The following PTBP2 variants were observed in gnomAD, a reference collection of about 807,000 sequenced individuals.
PTBP2 encodes polypyrimidine tract-binding protein 2.
PTBP2 carries 13 observed loss-of-function variants against 61.4 expected under a neutral mutation model. That is an observed-to-expected ratio of 0.21 (90% CI 0.14 to 0.34). The LOEUF is 0.34. Ranked by LOEUF, PTBP2 falls within the 10% of genes least tolerant of loss-of-function variation. The pLI is 1.00. For missense variants in PTBP2, 405 were observed against 642.6 expected (o/e 0.63, Z 4.00); for synonymous variants, 215 against 218.5 (o/e 0.98, Z 0.14).
In PTBP2 at chr1:96,769,703, C is replaced by T; in HGVS notation, c.116C>T (p.Ala39Val). 6.4e-7 allele frequency: 1 copy of T among 1,563,762 alleles called. No individual in the cohort carries two copies. Among genetic ancestry groups the T allele is most frequent in the Admixed American group, 1.9e-5 (1 of 53,644 alleles). Residue 39 changes from alanine (A) to valine (V), a missense_variant and splice_region_variant, in exon 4 of 14, where the codon GCC becomes GTC. Around this residue, in one of 4 missense-constraint regions of PTBP2, gnomAD observed 342 missense variants for 491.2 expected, o/e 0.70. Transcript: ENST00000674951. ...AGGACTGTTTTTTAATGTCTTTCAG[C>T]CAATGGTAATGATAGTAAAAAATTT... ...NSNMSSMVVT[A>V]NGNDSKKFKG...
At chr1:96,806,980 T>A (rs781348734) in intron 11 of PTBP2, 22 bp downstream of exon 11, 13 of 1,536,980 alleles carry the variant, frequency 8.5e-6, no homozygotes, top group Non-Finnish European at 1.2e-5. Flanking sequence ...CTATGTTTTA[T>A]CTATACATCT....
chr1:96,747,496 G>A (rs769090824), intron 2 of PTBP2, among the ~76,000 whole-genome samples: 6 of 151,810 alleles, frequency 4.0e-5, no homozygotes, highest in Non-Finnish European at 5.9e-5. Context: ...AATTATTTTT[G>A]TGTATTGTAT....
intron 2 of PTBP2, among the ~76,000 whole-genome samples, chr1:96,745,404 C>T (rs1032743633): frequency 6.6e-5 from 10 of 152,036 alleles, no homozygotes; most frequent in African/African-American, 9.7e-5. Flanking sequence ...CCTCGTGATC[C>T]GTCTGCCTCG....
chr1:96,791,621 A>C (rs1228586510), intron 8 of PTBP2, among the ~76,000 whole-genome samples: 1 of 152,114 alleles, frequency 6.6e-6, no homozygotes, highest in Non-Finnish European at 1.5e-5. Context: ...ACTGGTTTCT[A>C]AGAACTAATC....
chr1:96,762,941 G>A (rs1365973047), intron 3 of PTBP2, among the ~76,000 whole-genome samples: 3 of 151,906 alleles, frequency 2.0e-5, no homozygotes, highest in African/African-American at 4.8e-5. Context: ...ATCCCAGACG[G>A]GGCGGCGGGG....
At chr1:96,755,215 C>T (rs273876) in intron 3 of PTBP2, among the ~76,000 whole-genome samples, 88,058 of 151,954 alleles carry the variant, frequency 0.58, 26,145 homozygotes, top group African/African-American at 0.71. Flanking sequence ...ACAAAAGATA[C>T]ACAGATGGTA....
chr1:96,722,829 C>T (rs1382109716), intron 1 of PTBP2, among the ~76,000 whole-genome samples: 1 of 152,108 alleles, frequency 6.6e-6, no homozygotes, highest in Non-Finnish European at 1.5e-5. Context: ...TGGTAGGGAC[C>T]GATGTCTCGC....
intron 3 of PTBP2, among the ~76,000 whole-genome samples, chr1:96,768,606 CTG>C (rs1206016437): frequency 6.6e-6 from 1 of 151,938 alleles, no homozygotes; most frequent in Non-Finnish European, 1.5e-5. Context: ...CTTCAAACAA[CTG>C]TATTTAAATA....
intron 5 of PTBP2, among the ~76,000 whole-genome samples, chr1:96,773,962 C>CAA (rs11449316): frequency 0.069 from 5,878 of 84,846 alleles, 219 homozygotes; most frequent in Middle Eastern, 0.1. Flanking sequence ...GACTCTGTCT[C>CAA]AAAAAAAAAA....
At chr1:96,777,541 A>G (rs767620392) in intron 5 of PTBP2, 44 bp from the exon 6 acceptor site, 1 of 1,539,768 alleles carries the variant, frequency 6.5e-7, no homozygotes, top group South Asian at 1.3e-5. Context: ...AAAGTATGTG[A>G]CAATAATGGG....
chr1:96,722,504 A>T (rs1047281758), intron 1 of PTBP2, among the ~76,000 whole-genome samples: 1 of 142,352 alleles, frequency 7.0e-6, no homozygotes, highest in East Asian at 2.1e-4. Context: ...CTTTGTTTTC[A>T]TTTGAGTCTG....
intron 2 of PTBP2, among the ~76,000 whole-genome samples, chr1:96,731,984 A>G (rs963581397): frequency 2.6e-5 from 4 of 152,178 alleles, no homozygotes; most frequent in African/African-American, 9.6e-5. Context: ...AACTTTTTAG[A>G]TGTAGATTTT....
chr1:96,801,861 C>CAAAA (rs397861502), intron 8 of PTBP2, among the ~76,000 whole-genome samples: 3 of 75,514 alleles, frequency 4.0e-5, no homozygotes, highest in Non-Finnish European at 5.9e-5. Context: ...GACTCCATCT[C>CAAAA]AAAAAAAAAA....
In PTBP2 at chr1:96,769,891, G is replaced by A; in HGVS notation, c.288+16G>A. ...AAAAAATCAGGTACACTTCTTTCAG[G>A]GTTTATGAAATGTTAAACCCCAAAC... On this transcript the variant is annotated intron_variant, in intron 4 of 13. Transcript: ENST00000674951. The A allele has an allele frequency of 6.4e-7, 1 of 1,560,842 alleles. No homozygotes were observed. Among genetic ancestry groups the A allele is most frequent in the African/African-American group, 1.4e-5 (1 of 72,276 alleles).
chr1:96,727,540 A>G (rs1650746494), intron 2 of PTBP2, among the ~76,000 whole-genome samples: 1 of 152,158 alleles, frequency 6.6e-6, no homozygotes, highest in Non-Finnish European at 1.5e-5. Context: ...CAGTCCTTCC[A>G]CATCCTCTTT....
At chr1:96,771,776 T>G (rs1657411264) in intron 5 of PTBP2, among the ~76,000 whole-genome samples, 2 of 152,314 alleles carry the variant, frequency 1.3e-5, no homozygotes, top group Admixed American at 1.3e-4. Flanking sequence ...TGGTGTACAA[T>G]GTGATGTTTT....
intron 3 of PTBP2, among the ~76,000 whole-genome samples, chr1:96,766,502 G>C (rs1343217096): frequency 1.3e-5 from 2 of 152,094 alleles, no homozygotes; most frequent in Non-Finnish European, 2.9e-5. Flanking sequence ...AAGAATTGTA[G>C]AACTGTAACA....
chr1:96,770,077 T>C (rs1025505195), intron 4 of PTBP2, among the ~76,000 whole-genome samples: 23 of 152,182 alleles, frequency 1.5e-4, no homozygotes, highest in African/African-American at 5.5e-4. Flanking sequence ...ACTTTGTCTT[T>C]TGAATTGACT....
chr1:96,744,086 G>A (rs1482490772), intron 2 of PTBP2, among the ~76,000 whole-genome samples: 1 of 151,598 alleles, frequency 6.6e-6, no homozygotes, highest in Non-Finnish European at 1.5e-5. Context: ...AGCTACTCGG[G>A]AGGCTGAGGC....
Sources: allele counts gnomAD v4.1 joint callset (sites outside exome capture counted in the v4.1 genomes callset), GRCh38; gene constraint gnomAD v4.1.1; regional missense constraint gnomAD v4.1.1; transcripts MANE v1.5; gene names NCBI Gene and HGNC (gene_info 2026-07-23, HGNC 2026-07-21).